TAFA5: variants seen among roughly 807,000 people sequenced by gnomAD.
TAFA5 encodes the protein chemokine-like protein TAFA-5.
In TAFA5, 6 loss-of-function variants were observed where a neutral mutation model predicts 15.3. That is an observed-to-expected ratio of 0.39 (90% confidence interval 0.21 to 0.77). The LOEUF (loss-of-function observed/expected upper bound fraction) is 0.77. Among genes scored for constraint, TAFA5 ranks in the 30% least tolerant of loss-of-function variants. TAFA5 has a pLI of 0.41. For missense variants in TAFA5, 161 were observed against 193.1 expected, an observed-to-expected ratio of 0.83 and a Z score of 0.98; for synonymous variants, 103 against 80.7, an observed-to-expected ratio of 1.28 and a Z score of -1.48.
At chr22:48,743,925 C>T (rs1369934499) in intron 3 of TAFA5, among the ~76,000 whole-genome samples, 1 of 152,234 alleles carries the variant, frequency 6.6e-6, no homozygotes, top group Non-Finnish European at 1.5e-5. Context: ...TGGCCTGGGG[C>T]ACTGTGTCTG....
At chr22:48,745,895 G>T (rs569523044) in intron 3 of TAFA5, among the ~76,000 whole-genome samples, 1 of 152,200 alleles carries the variant, frequency 6.6e-6, no homozygotes, top group Admixed American at 6.5e-5. Context: ...CACCACACAC[G>T]CGTCAGAGGA....
At chr22:48,713,302 G>T (rs8139180) in intron 3 of TAFA5, among the ~76,000 whole-genome samples, 3 of 152,224 alleles carry the variant, frequency 2.0e-5, no homozygotes, top group Non-Finnish European at 4.4e-5. Flanking sequence ...CGCTGATCTC[G>T]TGGGGGCTCG....
intron 1 of TAFA5, among the ~76,000 whole-genome samples, chr22:48,590,034 T>G (rs1208874141): frequency 1.3e-5 from 2 of 151,444 alleles, no homozygotes; most frequent in African/African-American, 4.9e-5. Context: ...GCACGCGTGC[T>G]TGGGGGTCTC....
chr22:48,533,086 G>A (rs545402810), intron 1 of TAFA5, among the ~76,000 whole-genome samples: 13 of 152,294 alleles, frequency 8.5e-5, no homozygotes, highest in Admixed American at 3.9e-4. Context: ...CCCCTGTGCA[G>A]TGTCCTTCTG....
At chr22:48,507,420 G>A (rs893059587) in intron 1 of TAFA5, among the ~76,000 whole-genome samples, 2 of 152,200 alleles carry the variant, frequency 1.3e-5, no homozygotes, top group African/African-American at 2.4e-5. Flanking sequence ...CCCCCAACCC[G>A]GAGCCCTGGG....
chr22:48,496,552 G>A (rs1288502742), intron 1 of TAFA5, among the ~76,000 whole-genome samples: 1 of 152,216 alleles, frequency 6.6e-6, no homozygotes, highest in Non-Finnish European at 1.5e-5. Context: ...GGGAGTCAGG[G>A]ACGCCTGACC....
At chr22:48,633,013 C>T (rs1026205683) in intron 1 of TAFA5, among the ~76,000 whole-genome samples, 4 of 152,182 alleles carry the variant, frequency 2.6e-5, no homozygotes, top group South Asian at 2.1e-4. Context: ...TGGCCCCTGG[C>T]GCCCTGTGGG....
chr22:48,606,357 C>A (rs757771251), intron 1 of TAFA5, among the ~76,000 whole-genome samples: 2 of 152,170 alleles, frequency 1.3e-5, no homozygotes, highest in Non-Finnish European at 2.9e-5. Flanking sequence ...GGGATACTCC[C>A]TTCCACAAGC....
intron 2 of TAFA5, among the ~76,000 whole-genome samples, chr22:48,676,480 A>G (rs184268806): frequency 2.1e-3 from 321 of 152,332 alleles, no homozygotes; most frequent in African/African-American, 7.4e-3. Context: ...CGCAGGGGGA[A>G]CAGCCATCAC....
At chr22:48,745,051 C>T (rs552608471) in intron 3 of TAFA5, among the ~76,000 whole-genome samples, 25 of 152,296 alleles carry the variant, frequency 1.6e-4, no homozygotes, top group South Asian at 4.1e-4. Flanking sequence ...CCACTGCGCC[C>T]GGCAGGAGTG....
intron 1 of TAFA5, among the ~76,000 whole-genome samples, chr22:48,570,364 G>A (rs376924496): frequency 1.6e-4 from 24 of 152,126 alleles, no homozygotes; most frequent in African/African-American, 5.3e-4. Context: ...ATCTCAAATC[G>A]CAGAATATAC....
intron 1 of TAFA5, among the ~76,000 whole-genome samples, chr22:48,593,794 T>C (rs1924662480): frequency 6.6e-6 from 1 of 152,038 alleles, no homozygotes; most frequent in African/African-American, 2.4e-5. Flanking sequence ...AATGGGACAG[T>C]AAGAGCTCCC....
intron 1 of TAFA5, among the ~76,000 whole-genome samples, chr22:48,633,780 G>A (rs1222564026): frequency 1.3e-5 from 2 of 152,206 alleles, no homozygotes; most frequent in East Asian, 1.9e-4. Context: ...GTCATCTTTA[G>A]TTAAAGTGAA....
intron 1 of TAFA5, among the ~76,000 whole-genome samples, chr22:48,593,251 G>T (rs945300246): frequency 2.6e-5 from 4 of 152,208 alleles, no homozygotes; most frequent in Non-Finnish European, 5.9e-5. Flanking sequence ...GAGCATTGGA[G>T]CTGGGAGAGG....
chr22:48,542,760 GGGGTGTA>G (rs1922503502), intron 1 of TAFA5, among the ~76,000 whole-genome samples: 1 of 146,986 alleles, frequency 6.8e-6, no homozygotes, highest in South Asian at 2.2e-4. Context: ...GGTGTACTGT[GGGGTGTA>G]TGATGTGTGG....
At chr22:48,576,279 C>G (rs1399344388) in intron 1 of TAFA5, 7 of 948,942 alleles carry the variant, frequency 7.4e-6, no homozygotes, top group African/African-American at 3.5e-5. Context: ...CCCCCTCCCC[C>G]CGCCCGCTCC....
intron 3 of TAFA5, among the ~76,000 whole-genome samples, chr22:48,721,795 C>T (rs130175): frequency 0.4 from 60,285 of 151,934 alleles, 12,925 homozygotes; most frequent in Non-Finnish European, 0.48. Context: ...ATGGTGAAAC[C>T]CCGCCTCTAC....
chr22:48,541,095 G>T (rs1369343383), intron 1 of TAFA5, among the ~76,000 whole-genome samples: 1 of 152,120 alleles, frequency 6.6e-6, no homozygotes, highest in Non-Finnish European at 1.5e-5. Flanking sequence ...CAGGAAGTCC[G>T]CCACTGAACG....
chr22:48,730,054 A>G (rs1929826197), intron 3 of TAFA5, among the ~76,000 whole-genome samples: 1 of 152,132 alleles, frequency 6.6e-6, no homozygotes. Context: ...TCACACCTAC[A>G]TAAAATAACA....
Sources: gnomAD v4.1 joint callset for allele counts (sites outside exome capture counted in the v4.1 genomes callset) on GRCh38, gnomAD v4.1.1 for gene constraint, MANE v1.5 for transcripts, NCBI Gene and HGNC (gene_info 2026-07-23, HGNC 2026-07-21) for gene names.